Variants in RAP1GAP2 observed in about 807,000 individuals in gnomAD.
RAP1GAP2 encodes RAP1 GTPase activating protein 2, also known as rap1 GTPase-activating protein 2.
In RAP1GAP2, 27 loss-of-function variants were observed where a neutral mutation model predicts 95.0. The ratio of observed to expected loss-of-function variants is 0.28; its 90% confidence interval spans 0.21 to 0.39. RAP1GAP2 has a LOEUF of 0.39. Ranked by LOEUF, RAP1GAP2 falls within the 10% of genes least tolerant of loss-of-function variation. The probability of loss-of-function intolerance (pLI) is 1.00; values close to 1 mark genes in which losing one functional copy is unlikely to be tolerated. For missense variants in RAP1GAP2, 771 were observed against 970.0 expected (o/e 0.79, Z 2.72); for synonymous variants, 373 against 380.9 (o/e 0.98, Z 0.24).
At chr17:2,757,590 T>C (rs545833520) in intron 1 of RAP1GAP2, among the ~76,000 whole-genome samples, 8 of 152,186 alleles carry the variant, frequency 5.3e-5, no homozygotes, top group Non-Finnish European at 1.0e-4. Flanking sequence ...CTGGAACCAC[T>C]GAGACAGGGA....
rs2042058231 is a variant in RAP1GAP2, at chr17:2,902,500, T to G, written c.81-2784T>G. Reference sequence around the variant, plus strand: ...TCCCAAAATGGTGGGATTACAGGCATGAGCCACCGCTCTGGGCCCAGTTCA... The same window carrying G: ...TCCCAAAATGGTGGGATTACAGGCAGGAGCCACCGCTCTGGGCCCAGTTCA... On this transcript the variant is annotated intron_variant, in intron 2 of 24. Coordinates refer to ENST00000254695, the MANE Select transcript of RAP1GAP2 (RefSeq NM_015085.5). The surrounding 1 kb of genome is among the most constrained non-coding windows in gnomAD (Gnocchi z 4.1). Among the ~76,000 whole-genome samples the G allele has an allele frequency of 6.6e-6, 1 of 152,192 alleles. No individual in the cohort carries two copies. The highest frequency in any genetic ancestry group is 6.5e-5 in the Admixed American group (1 of 15,276).
At chr17:2,944,363 G>T (rs1258846959) in intron 3 of RAP1GAP2, among the ~76,000 whole-genome samples, 1 of 152,130 alleles carries the variant, frequency 6.6e-6, no homozygotes, top group Non-Finnish European at 1.5e-5. Flanking sequence ...TGGATATCCA[G>T]CTTTTTTGCA....
At chr17:2,889,897 T>A (rs1210138035) in intron 2 of RAP1GAP2, among the ~76,000 whole-genome samples, 2 of 124,828 alleles carry the variant, frequency 1.6e-5, no homozygotes, top group Non-Finnish European at 3.5e-5. Context: ...ATATTTTTTT[T>A]TTTTTTTGTA....
intron 2 of RAP1GAP2, among the ~76,000 whole-genome samples, chr17:2,879,313 A>G (rs1376350268): frequency 6.7e-6 from 1 of 150,178 alleles, no homozygotes; most frequent in Admixed American, 6.6e-5. Context: ...CTGGGGTTTC[A>G]CCATGTTGGC....
intron 1 of RAP1GAP2, among the ~76,000 whole-genome samples, chr17:2,759,522 C>A (rs1278732464): frequency 1.3e-5 from 2 of 152,172 alleles, no homozygotes; most frequent in African/African-American, 4.8e-5. Flanking sequence ...ACAACCTCAG[C>A]TCACTGCAAC....
chr17:2,838,860 C>T (rs1322968961), intron 2 of RAP1GAP2, among the ~76,000 whole-genome samples: 3 of 152,194 alleles, frequency 2.0e-5, no homozygotes, highest in Non-Finnish European at 4.4e-5. Context: ...ACCTTTCTAA[C>T]ATTTGCTAAC....
At chr17:2,990,120 A>C (rs112952031) in intron 11 of RAP1GAP2, among the ~76,000 whole-genome samples, 229 of 152,304 alleles carry the variant, frequency 1.5e-3, no homozygotes, top group African/African-American at 5.4e-3. Flanking sequence ...GATAGCCCAC[A>C]TTTTGTCTAT....
chr17:2,919,014 G>C (rs1021128194), intron 3 of RAP1GAP2, among the ~76,000 whole-genome samples: 3 of 152,150 alleles, frequency 2.0e-5, no homozygotes, highest in African/African-American at 7.2e-5. Flanking sequence ...AGTACACCAG[G>C]TTTTCGGTGA....
rs547074090 is a variant in RAP1GAP2, at chr17:2,813,615, T to C, written c.80+13065T>C. On this transcript the variant is annotated intron_variant, in intron 2 of 24. Transcript: ENST00000254695. ...GTGCGTTGTAGGGTGTTGCGCAGCC[T>C]CTCTAGCCTGTATCCACAAGATGCC... 8.5e-5 allele frequency among the ~76,000 whole-genome samples: 13 copies of C among 152,266 alleles called. 1 individual carries two copies. In the South Asian group the frequency reaches 2.5e-3, roughly 29 times the overall value.
chr17:2,795,238 G>T (rs1029079473), upstream of RAP1GAP2, among the ~76,000 whole-genome samples: 1 of 151,806 alleles, frequency 6.6e-6, no homozygotes, highest in African/African-American at 2.4e-5. Context: ...CTGCTTGGGG[G>T]TAGGGTGGGG....
intron 10 of RAP1GAP2, among the ~76,000 whole-genome samples, chr17:2,983,197 A>G (rs965103897): frequency 6.6e-6 from 1 of 151,856 alleles, no homozygotes; most frequent in African/African-American, 2.4e-5. Flanking sequence ...TTCCTCTCGC[A>G]TAACGCGTGG....
chr17:2,928,372 T>C (rs1255875285), intron 3 of RAP1GAP2, among the ~76,000 whole-genome samples: 1 of 152,158 alleles, frequency 6.6e-6, no homozygotes, highest in East Asian at 1.9e-4. Flanking sequence ...ACGCCACTGC[T>C]TCCATTCCCA....
At chr17:2,932,499 T>G (rs1020485084) in intron 3 of RAP1GAP2, among the ~76,000 whole-genome samples, 1 of 151,304 alleles carries the variant, frequency 6.6e-6, no homozygotes, top group Non-Finnish European at 1.5e-5. Context: ...CTTTGGAAAT[T>G]CTGTGAGGTT....
intron 1 of RAP1GAP2, among the ~76,000 whole-genome samples, chr17:2,756,398 G>C (rs2071146046): frequency 6.6e-6 from 1 of 152,328 alleles, no homozygotes; most frequent in South Asian, 2.1e-4. Context: ...TGCGGTGTCA[G>C]GTTACCGGAC....
intron 1 of RAP1GAP2, among the ~76,000 whole-genome samples, chr17:2,757,247 T>C (rs901444468): frequency 6.6e-6 from 1 of 152,196 alleles, no homozygotes; most frequent in African/African-American, 2.4e-5. Context: ...GCCTCCCAAG[T>C]AGCTGGGACT....
intron 3 of RAP1GAP2, among the ~76,000 whole-genome samples, chr17:2,911,260 A>ATTTTTTT (rs34227127): frequency 2.3e-5 from 3 of 132,028 alleles, no homozygotes; most frequent in African/African-American, 6.0e-5. Flanking sequence ...TTTGAAGGGG[A>ATTTTTTT]TTTTTTTTTT....
chr17:2,855,904 G>A lies in RAP1GAP2; in HGVS notation c.81-49380G>A, dbSNP rs533797288. Among the ~76,000 whole-genome samples, 3 of 152,290 alleles carry A rather than the reference G, an allele frequency of 2.0e-5. No homozygotes were observed. Among genetic ancestry groups the A allele is most frequent in the Admixed American group, 6.5e-5 (1 of 15,292 alleles). On this transcript the variant is annotated intron_variant, in intron 2 of 24. Transcript: ENST00000254695. The surrounding 1 kb of genome is among the most constrained non-coding windows in gnomAD (Gnocchi z 4.3). Reference sequence around the variant, plus strand: ...GCTGGGATTACAGGCATGAGCCACCGTGCCCGGCTGAAGTGAATCTATTTA... The same window carrying A: ...GCTGGGATTACAGGCATGAGCCACCATGCCCGGCTGAAGTGAATCTATTTA...
At chr17:3,001,778 G>A (rs991744770) in intron 14 of RAP1GAP2, among the ~76,000 whole-genome samples, 15 of 152,224 alleles carry the variant, frequency 9.9e-5, no homozygotes, top group South Asian at 6.2e-4. Context: ...CTGGCAGAAC[G>A]AGGCCTCCTG....
intron 3 of RAP1GAP2, among the ~76,000 whole-genome samples, chr17:2,931,322 C>T (rs1380214083): frequency 3.8e-5 from 5 of 133,286 alleles, no homozygotes; most frequent in South Asian, 2.2e-4. Flanking sequence ...GTTGGGTGAA[C>T]GTGACTGTGA....
Sources: gnomAD v4.1 joint callset for allele counts (sites outside exome capture counted in the v4.1 genomes callset) on GRCh38, gnomAD v4.1.1 for gene constraint, Gnocchi (gnomAD v3.1) non-coding constraint, MANE v1.5 for transcripts, NCBI Gene and HGNC (gene_info 2026-07-23, HGNC 2026-07-21) for gene names.